Variants in LRP2 observed in about 807,000 individuals in gnomAD.
LRP2 encodes low-density lipoprotein receptor-related protein 2.
LRP2 carries 172 observed loss-of-function variants against 531.0 expected under a neutral mutation model. The observed-to-expected ratio is 0.32, with a 90% CI of 0.29 to 0.37. The LOEUF is 0.37. Among genes scored for constraint, LRP2 ranks in the 10% least tolerant of loss-of-function variants. The pLI is 1.00. For synonymous variants in LRP2, 1,992 were observed against 2,027.6 expected, an observed-to-expected ratio of 0.98 and a Z score of 0.47; for missense variants, 5,167 against 5,868.3, an observed-to-expected ratio of 0.88 and a Z score of 3.90.
At chr2:169,156,502 C>A in intron 64 of LRP2, 97 bp from the exon 65 acceptor site, 1 of 1,343,610 alleles carries the variant, frequency 7.4e-7, no homozygotes, top group African/African-American at 1.4e-5. Flanking sequence ...GCAATGAGGA[C>A]CGAGAAGGGT....
Position 169,257,251 on chromosome 2 carries a change from T to A in LRP2, c.2514-2A>T. 6.2e-7 allele frequency: 1 copy of A among 1,612,220 alleles called. No homozygotes were observed. The highest frequency in any genetic ancestry group is 8.5e-7 in the Non-Finnish European group (1 of 1,178,772). On this transcript the variant is annotated splice_acceptor_variant, in intron 17 of 78. Coordinates refer to ENST00000649046, the MANE Select transcript of LRP2 (RefSeq NM_004525.3). LOFTEE classifies it high-confidence loss of function. Reference sequence around the variant, plus strand: ...AACCAATCAGTGAAGAATAGATACCTAGAAAAAGCAGTAGTAAATTAAGGC... The same window carrying A: ...AACCAATCAGTGAAGAATAGATACCAAGAAAAAGCAGTAGTAAATTAAGGC...
At chr2:169,131,665 A>T (rs1685295616) in intron 77 of LRP2, among the ~76,000 whole-genome samples, 1 of 152,104 alleles carries the variant, frequency 6.6e-6, no homozygotes. Context: ...GAATTAGGGG[A>T]GACACTACTG....
At chr2:169,359,696 G>A (rs1300774966) in intron 1 of LRP2, among the ~76,000 whole-genome samples, 1 of 152,166 alleles carries the variant, frequency 6.6e-6, no homozygotes, top group East Asian at 1.9e-4. Context: ...AGAAACCTGA[G>A]GAGAGATTCT....
chr2:169,183,475 CATT>C (rs913466657), intron 50 of LRP2, among the ~76,000 whole-genome samples: 1 of 152,072 alleles, frequency 6.6e-6, no homozygotes, highest in African/African-American at 2.4e-5. Flanking sequence ...CTTTTTAAAA[CATT>C]ATATTATTTC....
In LRP2 at chr2:169,138,642, G is replaced by A. The variant is rs1318786246; in HGVS notation, c.13453C>T (p.Leu4485Phe). 2 of 1,613,984 alleles carry A rather than the reference G, an allele frequency of 1.2e-6. No homozygotes were observed. Among genetic ancestry groups the A allele is most frequent in the Admixed American group, 1.7e-5 (1 of 60,006 alleles). Reference sequence around the variant, plus strand: ...CCAGACACTCCAATATCCATGTTAAGATCTGCCCCTGATCTGAAGGTCACC... The same window carrying A: ...CCAGACACTCCAATATCCATGTTAAAATCTGCCCCTGATCTGAAGGTCACC... ...NGVTFRSGAD[L>F]NMDIGVSGFG... Residue 4485 changes from leucine (L) to phenylalanine (F), a missense_variant, in exon 75 of 79, where the codon CTT (leucine) becomes TTT (phenylalanine). Leu to Phe is a conservative substitution (Grantham distance 22). Coordinates refer to ENST00000649046, the MANE Select transcript of LRP2 (RefSeq NM_004525.3).
chr2:169,323,629 T>TA (rs760860131), intron 1 of LRP2, among the ~76,000 whole-genome samples: 6,743 of 137,498 alleles, frequency 0.049, 210 homozygotes, highest in Non-Finnish European at 0.065. Flanking sequence ...TTTGAAGATT[T>TA]AAAAAAAAAA....
At chr2:169,219,699 G>C (rs565298349) in intron 34 of LRP2, among the ~76,000 whole-genome samples, 1 of 152,170 alleles carries the variant, frequency 6.6e-6, no homozygotes, top group Non-Finnish European at 1.5e-5. Flanking sequence ...AGGGGAGGAA[G>C]GGAGGAGGGC....
chr2:169,185,850 C>G lies in LRP2; in HGVS notation c.9498G>C (p.Lys3166Asn). ...TGTAGGAGCCTATTACATTCTCACA[C>G]TTCTGGCTACAGACAAAAGGCATCT... Reference protein sequence around the residue: ...CTEMPFVCSQKCENVIGSYIC... With the variant: ...CTEMPFVCSQNCENVIGSYIC... The change falls in exon 50 of 79, where the codon AAG becomes AAC. Residue 3166 changes from lysine (K) to asparagine (N), a missense_variant. This residue lies in a region of LRP2 where 1,129 missense variants were observed against 1,362.7 expected (regional missense o/e 0.83). Transcript: ENST00000649046. 1 of 1,614,100 alleles carries G rather than the reference C, an allele frequency of 6.2e-7. No homozygotes were observed. Among genetic ancestry groups the G allele is most frequent in the Non-Finnish European group, 8.5e-7 (1 of 1,180,016 alleles).
At chr2:169,312,844 CA>C (rs1377324650) in intron 3 of LRP2, among the ~76,000 whole-genome samples, 10 of 152,228 alleles carry the variant, frequency 6.6e-5, no homozygotes, top group Non-Finnish European at 1.3e-4. Flanking sequence ...GTACAACAAT[CA>C]GACGTAGATT....
Position 169,201,611 on chromosome 2 carries a change from A to G in LRP2, c.8452+17T>C. On this transcript the variant is annotated intron_variant, in intron 44 of 78. Transcript: ENST00000649046. ...CTTCAGACCCAAAATCACAATAAGC[A>G]CTTAAGATAAACTTACGGCAATTTT... 2 of 1,614,086 alleles carry G rather than the reference A, an allele frequency of 1.2e-6. No individual in the cohort carries two copies. The highest frequency in any genetic ancestry group is 1.7e-6 in the Non-Finnish European group (2 of 1,180,016).
intron 66 of LRP2, 150 bp from the exon 67 acceptor site, chr2:169,153,114 G>A (rs1686205977): frequency 2.6e-6 from 2 of 767,510 alleles, no homozygotes; most frequent in African/African-American, 1.7e-5. Flanking sequence ...AATGACATCA[G>A]TATAATCAAA....
chr2:169,200,862 G>A (rs1688181532), intron 44 of LRP2, among the ~76,000 whole-genome samples: 1 of 152,098 alleles, frequency 6.6e-6, no homozygotes, highest in African/African-American at 2.4e-5. Flanking sequence ...AAAACCACTG[G>A]GTGAAAGGAT....
At chr2:169,341,190 G>A (rs1419587456) in intron 1 of LRP2, among the ~76,000 whole-genome samples, 1 of 152,066 alleles carries the variant, frequency 6.6e-6, no homozygotes, top group African/African-American at 2.4e-5. Flanking sequence ...AAACAAACTA[G>A]AACTGGCACA....
At chr2:169,345,443 A>G (rs1685670752) in intron 1 of LRP2, among the ~76,000 whole-genome samples, 2 of 152,196 alleles carry the variant, frequency 1.3e-5, no homozygotes, top group African/African-American at 4.8e-5. Context: ...GGCAACAGAG[A>G]CATTCATCTG....
At position 169,277,834 on chromosome 2, in the gene LRP2, C is replaced by T. The variant is rs974392861; in HGVS notation, c.1683G>A (p.Gly561=). The T allele has an allele frequency of 2.5e-6, 4 of 1,614,094 alleles. No individual in the cohort carries two copies. Among genetic ancestry groups the T allele is most frequent in the Non-Finnish European group, 2.5e-6 (3 of 1,179,992 alleles). The part of the protein sequence containing the change: ...LVKTKLGWPA[G]VTLDMISKRV... ...GCTTCGATATCATATCCAGAGTTAC[C>T]CCAGCAGGCCATCCCAGCTTTGTTT... is the stretch of plus-strand genomic sequence containing the variant. Residue 561 remains glycine, a synonymous_variant, in exon 13 of 79, where the codon GGG becomes GGA. Coordinates refer to ENST00000649046, the MANE Select transcript of LRP2 (RefSeq NM_004525.3).
chr2:169,185,615 C>T lies in LRP2; in HGVS notation c.9733G>A (p.Asp3245Asn), dbSNP rs759025536. ...CTCTCAATGACTTGCCTCTGTGTAT[C>T]AATCCAATACAATCTCTTCTCTACT... is the stretch of plus-strand genomic sequence containing the variant. ...DRVEKRLYWI[D>N]TQRQVIERMF... The change falls in exon 50 of 79, where the codon GAT becomes AAT. Residue 3245 changes from aspartate to asparagine, a missense_variant. By Grantham distance (23) the Asp-to-Asn change is conservative. Coordinates refer to ENST00000649046, the MANE Select transcript of LRP2 (RefSeq NM_004525.3). The T allele has an allele frequency of 6.8e-6, 11 of 1,614,016 alleles. No homozygotes were observed. In the African/African-American group the frequency reaches 1.3e-4, roughly 20 times the overall value.
intron 15 of LRP2, among the ~76,000 whole-genome samples, chr2:169,271,495 C>A (rs1046560551): frequency 6.6e-6 from 1 of 151,628 alleles, no homozygotes; most frequent in Non-Finnish European, 1.5e-5. Flanking sequence ...CACATGTACC[C>A]TAGAACTTAA....
Position 169,239,520 on chromosome 2 carries a change from C to T in LRP2, c.4294+7G>A. On this transcript the variant is annotated splice_region_variant and intron_variant, in intron 26 of 78. Transcript: ENST00000649046. ...GATAAACTGGCTCGGGTTAGTTCAG[C>T]AATTACCTGTAACTTTGCAAGTCCT... The T allele has an allele frequency of 6.2e-7, 1 of 1,614,018 alleles. No homozygotes were observed. Among genetic ancestry groups the T allele is most frequent in the Non-Finnish European group, 8.5e-7 (1 of 1,179,898 alleles).
At chr2:169,305,196 A>G (rs1684383751) in intron 4 of LRP2, among the ~76,000 whole-genome samples, 1 of 152,234 alleles carries the variant, frequency 6.6e-6, no homozygotes, top group African/African-American at 2.4e-5. Flanking sequence ...CCAAAGAAAA[A>G]TAACATGCAA....
Sources: allele counts gnomAD v4.1 joint callset (sites outside exome capture counted in the v4.1 genomes callset), GRCh38; gene constraint gnomAD v4.1.1; regional missense constraint gnomAD v4.1.1; transcripts MANE v1.5; gene names NCBI Gene and HGNC (gene_info 2026-07-23, HGNC 2026-07-21).